Variants in ADAMTS2 observed in about 807,000 individuals in gnomAD.
ADAMTS2 encodes A disintegrin and metalloproteinase with thrombospondin motifs 2.
Under a neutral mutation model 123.0 loss-of-function variants are expected in ADAMTS2, and 50 were observed. The observed-to-expected ratio is 0.41, with a 90% CI of 0.32 to 0.51. The LOEUF is 0.51. Among genes scored for constraint, ADAMTS2 ranks in the 20% least tolerant of loss-of-function variants. ADAMTS2 has a pLI of 0.35. For synonymous variants in ADAMTS2, 678 were observed against 695.4 expected (o/e 0.98, Z 0.39); for missense variants, 1,494 against 1,705.2 (o/e 0.88, Z 2.18).
Position 179,343,658 on chromosome 5 carries a change from G to T in ADAMTS2, c.534+109C>A, listed in dbSNP as rs1015206165. 1.8e-5 allele frequency: 26 copies of T among 1,438,586 alleles called. No individual in the cohort carries two copies. The Admixed American group carries it at 1.8e-4, about 10-fold the overall frequency. The allele number at this position is 1,438,586 out of a possible 1,614,324, so 89.1% of individuals were successfully genotyped here. A position where few individuals can be genotyped will look rare whatever the true frequency, so the allele number is the denominator to read the frequency against. ...CTCACTAAAGCACGGGAAGGGCGCG[G>T]AAAGTCCTCAGCGCAGGCCTTGCCC... On this transcript the variant is annotated intron_variant, in intron 2 of 21. Coordinates refer to ENST00000251582, the MANE Select transcript of ADAMTS2 (RefSeq NM_014244.5).
intron 3 of ADAMTS2, among the ~76,000 whole-genome samples, chr5:179,248,774 C>A (rs1287364903): frequency 3.3e-5 from 5 of 151,970 alleles, no homozygotes; most frequent in African/African-American, 9.7e-5. Context: ...TGGAAATAGA[C>A]CATTTTACAA....
chr5:179,231,985 A>T (rs957374235), intron 3 of ADAMTS2, among the ~76,000 whole-genome samples: 9 of 152,138 alleles, frequency 5.9e-5, no homozygotes, highest in Admixed American at 1.3e-4. Flanking sequence ...CAGAGAGTGA[A>T]GGCAGAACCC....
At chr5:179,239,936 T>C (rs1210065140) in intron 3 of ADAMTS2, among the ~76,000 whole-genome samples, 1 of 152,068 alleles carries the variant, frequency 6.6e-6, no homozygotes, top group Non-Finnish European at 1.5e-5. Flanking sequence ...TGCAGCAGCA[T>C]GATGACCTCG....
chr5:179,250,095 C>A (rs969309487), intron 3 of ADAMTS2, among the ~76,000 whole-genome samples: 1 of 152,168 alleles, frequency 6.6e-6, no homozygotes, highest in African/African-American at 2.4e-5. Flanking sequence ...ATAAACCACA[C>A]AGTCATCTTG....
intron 3 of ADAMTS2, among the ~76,000 whole-genome samples, chr5:179,270,417 AG>A (rs1766498728): frequency 6.6e-6 from 1 of 152,200 alleles, no homozygotes; most frequent in South Asian, 2.1e-4. Context: ...TTGGGGAGGC[AG>A]GAAGAAACTG....
chr5:179,183,528 G>A (rs759477136), intron 4 of ADAMTS2, among the ~76,000 whole-genome samples: 9 of 152,242 alleles, frequency 5.9e-5, no homozygotes, highest in Non-Finnish European at 1.2e-4. Flanking sequence ...CAGTAGGAGT[G>A]GCTTCCAGGG....
intron 2 of ADAMTS2, among the ~76,000 whole-genome samples, chr5:179,286,128 C>T (rs1385505763): frequency 1.3e-5 from 2 of 149,496 alleles, no homozygotes; most frequent in African/African-American, 2.5e-5. Context: ...GCATGAGAAT[C>T]GCTTGAGCCC....
intron 2 of ADAMTS2, among the ~76,000 whole-genome samples, chr5:179,328,182 A>G (rs971331343): frequency 3.2e-4 from 49 of 152,202 alleles, no homozygotes; most frequent in African/African-American, 1.0e-3. Flanking sequence ...ACAGGCGCGC[A>G]CCACCACGCC....
chr5:179,219,045 A>G (rs915062029), intron 3 of ADAMTS2, among the ~76,000 whole-genome samples: 1 of 152,042 alleles, frequency 6.6e-6, no homozygotes, highest in Non-Finnish European at 1.5e-5. Context: ...TGCACCCCAT[A>G]TGGCTCATGG....
At chr5:179,324,945 T>C (rs1757275719) in intron 2 of ADAMTS2, among the ~76,000 whole-genome samples, 1 of 152,124 alleles carries the variant, frequency 6.6e-6, no homozygotes, top group Non-Finnish European at 1.5e-5. Context: ...CACTGTCTGC[T>C]CTGCTAATGC....
chr5:179,263,981 TGA>T (rs149185179), intron 3 of ADAMTS2, among the ~76,000 whole-genome samples: 4,342 of 152,324 alleles, frequency 0.029, 92 homozygotes, highest in Middle Eastern at 0.082. Context: ...CAGAGAATTC[TGA>T]GAGGAGATGG....
At chr5:179,261,942 C>T (rs1766236100) in intron 3 of ADAMTS2, among the ~76,000 whole-genome samples, 1 of 152,232 alleles carries the variant, frequency 6.6e-6, no homozygotes, top group Non-Finnish European at 1.5e-5. Flanking sequence ...GCCTCTGCCT[C>T]CCGGAGCAAG....
intron 2 of ADAMTS2, among the ~76,000 whole-genome samples, chr5:179,321,886 T>C (rs564537770): frequency 6.6e-6 from 1 of 152,158 alleles, no homozygotes; most frequent in Non-Finnish European, 1.5e-5. Flanking sequence ...CCCAAGTGCC[T>C]GGAGATCCCG....
At chr5:179,327,566 C>G (rs1757348367) in intron 2 of ADAMTS2, among the ~76,000 whole-genome samples, 1 of 152,206 alleles carries the variant, frequency 6.6e-6, no homozygotes, top group Admixed American at 6.5e-5. Context: ...GCCACTCATC[C>G]CCATAAAACC....
intron 2 of ADAMTS2, among the ~76,000 whole-genome samples, chr5:179,336,071 C>T (rs989619083): frequency 3.9e-5 from 6 of 152,240 alleles, no homozygotes; most frequent in East Asian, 3.8e-4. Flanking sequence ...AGATGAATCC[C>T]GGACATTCTG....
intron 2 of ADAMTS2, among the ~76,000 whole-genome samples, chr5:179,301,886 C>T (rs571898191): frequency 7.9e-5 from 12 of 152,366 alleles, no homozygotes; most frequent in East Asian, 5.8e-4. Context: ...CGGGATGCCC[C>T]GCTCACAGCG....
Position 179,130,222 on chromosome 5 carries a change from G to A in ADAMTS2, c.2291-124C>T, listed in dbSNP as rs1398263830. 1.0e-5 allele frequency: 13 copies of A among 1,252,648 alleles called. No homozygotes were observed. Among genetic ancestry groups the A allele is most frequent in the East Asian group, 2.5e-5 (1 of 40,488 alleles). The allele number at this position is 1,252,648 out of a possible 1,614,324, so 77.6% of individuals were successfully genotyped here. A position where few individuals can be genotyped will look rare whatever the true frequency, so the allele number is the denominator to read the frequency against. The stretch of plus-strand genomic sequence containing the variant: ...ACCCCTTGTCTCTCTGGCTGCCCCC[G>A]GCCAGTTTCCTCTGTGCCACGACAG... On this transcript the variant is annotated intron_variant, in intron 15 of 21. Coordinates refer to ENST00000251582, the MANE Select transcript of ADAMTS2 (RefSeq NM_014244.5). The surrounding 1 kb of genome is among the most constrained non-coding windows in gnomAD (Gnocchi z 4.3).
In ADAMTS2 at chr5:179,198,782, C is replaced by T. The variant is rs139590205; in HGVS notation, c.891+8731G>A. On this transcript the variant is annotated intron_variant, in intron 4 of 21. Coordinates refer to ENST00000251582, the MANE Select transcript of ADAMTS2 (RefSeq NM_014244.5). ...CTGAGAGGTGGCGGTTGCAGTGAGCCGAGATCATGCCATTGCACTCCAGCC... is the reference window on the plus strand; with the variant it reads ...CTGAGAGGTGGCGGTTGCAGTGAGCTGAGATCATGCCATTGCACTCCAGCC... 3.7e-3 allele frequency among the ~76,000 whole-genome samples: 561 copies of T among 151,450 alleles called. 2 individuals are homozygous for T. Among genetic ancestry groups the T allele is most frequent in the African/African-American group, 0.013 (528 of 41,264 alleles).
rs796252589 is a variant in ADAMTS2 at position 179,202,628 on chromosome 5, T to C, written c.891+4885A>G. ...CGCCCCATAAACACCGGCCCCCGTATGAACGGCAGCCAGGGGCACCAGACA... is the reference window on the plus strand; with the variant it reads ...CGCCCCATAAACACCGGCCCCCGTACGAACGGCAGCCAGGGGCACCAGACA... On this transcript the variant is annotated intron_variant, in intron 4 of 21. Transcript: ENST00000251582. This position sits in a 1 kb window ranked among gnomAD's most constrained non-coding sequence, Gnocchi z 4.0. 7.2e-5 allele frequency among the ~76,000 whole-genome samples: 11 copies of C among 152,232 alleles called. No individual in the cohort carries two copies. The highest frequency in any genetic ancestry group is 2.6e-4 in the African/African-American group (11 of 41,564).
Sources: gnomAD v4.1 joint callset for allele counts (sites outside exome capture counted in the v4.1 genomes callset) on GRCh38, gnomAD v4.1.1 for gene constraint, Gnocchi (gnomAD v3.1) non-coding constraint, MANE v1.5 for transcripts, NCBI Gene and HGNC (gene_info 2026-07-23, HGNC 2026-07-21) for gene names.